The following SPAM1 variants were observed in gnomAD, a reference collection of about 807,000 sequenced individuals.
SPAM1 encodes the protein sperm adhesion molecule 1.
SPAM1 carries 22 observed loss-of-function variants against 29.6 expected under a neutral mutation model. The observed-to-expected ratio is 0.74, with a 90% CI of 0.53 to 1.06. SPAM1 has a LOEUF of 1.06. SPAM1 is among the 50% of genes least tolerant of loss of function. SPAM1 has a pLI of 0.00. For synonymous variants in SPAM1, 194 were observed against 204.6 expected, an observed-to-expected ratio of 0.95 and a Z score of 0.44; for missense variants, 534 against 604.0, an observed-to-expected ratio of 0.88 and a Z score of 1.21.
At chr7:123,930,367 G>A (rs892180294) in intron 1 of SPAM1, among the ~76,000 whole-genome samples, 4 of 151,976 alleles carry the variant, frequency 2.6e-5, no homozygotes, top group Non-Finnish European at 5.9e-5. Context: ...AAACCTGGAG[G>A]TAACTTTCCA....
In SPAM1 at chr7:123,953,394, C is replaced by T; in HGVS notation, c.-177C>T. 4.3e-6 allele frequency: 2 copies of T among 467,284 alleles called. No homozygotes were observed. Among genetic ancestry groups the T allele is most frequent in the Non-Finnish European group, 7.4e-6 (2 of 268,992 alleles). 28.9% of individuals were successfully genotyped at this position (467,284 alleles called of 1,614,324 possible). On this transcript the variant is annotated 5_prime_UTR_variant, in exon 3 of 5. Coordinates refer to ENST00000682466, the MANE Select transcript of SPAM1 (RefSeq NM_153189.3). ...AGGTGATGCAACTTGAAAAACAATC[C>T]TGAAACATGAAACAAGAATAATAAT...
intron 1 of SPAM1, among the ~76,000 whole-genome samples, chr7:123,942,311 C>T (rs996468880): frequency 2.6e-5 from 4 of 152,252 alleles, no homozygotes; most frequent in South Asian, 2.1e-4. Flanking sequence ...GAAAAATATT[C>T]GGCAAGACTA....
intron 1 of SPAM1, among the ~76,000 whole-genome samples, chr7:123,939,587 C>A (rs1380753603): frequency 2.0e-5 from 3 of 152,162 alleles, no homozygotes; most frequent in Admixed American, 2.0e-4. Context: ...CAAAGGACAT[C>A]AAATTCGTTT....
rs1231605527 is a variant in SPAM1 at position 123,949,873 on chromosome 7, G to T, written c.-317G>T. ...AATAATCTTTTTTTTTTTTCAAAGG[G>T]ATGCTAATGACTAGCCAATGCTCTA... is the stretch of plus-strand genomic sequence containing the variant. On this transcript the variant is annotated splice_region_variant and 5_prime_UTR_variant, in exon 2 of 5. Transcript: ENST00000682466. 6.6e-6 allele frequency: 1 copy of T among 150,744 alleles called. No homozygotes were observed. Among genetic ancestry groups the T allele is most frequent in the African/African-American group, 2.4e-5 (1 of 40,934 alleles). 9.3% of individuals were successfully genotyped at this position (150,744 alleles called of 1,614,324 possible). A position where few individuals can be genotyped will look rare whatever the true frequency, so the allele number is the denominator to read the frequency against.
chr7:123,934,060 G>A (rs1224034785), intron 1 of SPAM1, among the ~76,000 whole-genome samples: 1 of 152,104 alleles, frequency 6.6e-6, no homozygotes, highest in Non-Finnish European at 1.5e-5. Flanking sequence ...ATAACATGTT[G>A]TACAGATGTA....
rs1005182909 is a variant in SPAM1, at chr7:123,935,344, A to G, written c.-319+9992A>G. On this transcript the variant is annotated intron_variant, in intron 1 of 4. Transcript: ENST00000682466. The stretch of plus-strand genomic sequence containing the variant: ...ATAAGCATTGTGCTAAGTGTTTTAT[A>G]TACATTATTTCATCAAAATTTCACA... Among the ~76,000 whole-genome samples, 73 of 152,282 alleles carry G rather than the reference A, an allele frequency of 4.8e-4. 1 individual carries two copies. The highest frequency in any genetic ancestry group is 1.7e-3 in the African/African-American group (70 of 41,562).
chr7:123,970,130 T>G, intron 5 of SPAM1: 1 of 1,508,656 alleles, frequency 6.6e-7, no homozygotes. Flanking sequence ...CTAGTGATGC[T>G]ATAACAAAGT....
chr7:123,934,581 A>C (rs533259248), intron 1 of SPAM1, among the ~76,000 whole-genome samples: 33 of 152,306 alleles, frequency 2.2e-4, no homozygotes, highest in African/African-American at 7.9e-4. Flanking sequence ...TAAGATATGG[A>C]ATTAAGCTAA....
chr7:123,938,597 G>C (rs1474978788), intron 1 of SPAM1, among the ~76,000 whole-genome samples: 2 of 152,148 alleles, frequency 1.3e-5, no homozygotes, highest in African/African-American at 2.4e-5. Flanking sequence ...GGTGTTTTCT[G>C]TTTGTGTTTG....
In SPAM1 at chr7:123,960,016, C is replaced by A; in HGVS notation, c.*47C>A. On this transcript the variant is annotated 3_prime_UTR_variant, in exon 5 of 5. Coordinates refer to ENST00000682466, the MANE Select transcript of SPAM1 (RefSeq NM_153189.3). ...AACAATATGTCCATCTTAAAGTGTG[C>A]TTTTTCGACTAATTAAATCTTTGAA... 1 of 1,523,232 alleles carries A rather than the reference C, an allele frequency of 6.6e-7. No homozygotes were observed. Among genetic ancestry groups the A allele is most frequent in the Admixed American group, 2.2e-5 (1 of 46,368 alleles). 94.4% of individuals were successfully genotyped at this position (1,523,232 alleles called of 1,614,324 possible).
chr7:123,955,925 A>G lies in SPAM1; in HGVS notation c.1044+839A>G, dbSNP rs551350763. Among the ~76,000 whole-genome samples, 3 of 151,864 alleles carry G rather than the reference A, an allele frequency of 2.0e-5. No homozygotes were observed. In the South Asian group the frequency reaches 6.2e-4, roughly 32 times the overall value. ...GATAATTTTCTTTAGTAAATTCTTA[A>G]TTTTTATTAGTTGTTTCCCCAAATC... is the stretch of plus-strand genomic sequence containing the variant. On this transcript the variant is annotated intron_variant, in intron 4 of 4. Coordinates refer to ENST00000682466, the MANE Select transcript of SPAM1 (RefSeq NM_153189.3).
intron 2 of SPAM1, among the ~76,000 whole-genome samples, chr7:123,950,941 A>G (rs987758014): frequency 6.6e-6 from 1 of 152,112 alleles, no homozygotes; most frequent in African/African-American, 2.4e-5. Context: ...ACTTTTTAGT[A>G]ATAGCCATTC....
chr7:123,927,433 C>T (rs1465518631), intron 1 of SPAM1, among the ~76,000 whole-genome samples: 1 of 152,066 alleles, frequency 6.6e-6, no homozygotes, highest in African/African-American at 2.4e-5. Context: ...GCATCTATAG[C>T]GATTTAGCAT....
chr7:123,970,366 A>C, intron 6 of SPAM1: 2 of 1,137,520 alleles, frequency 1.8e-6, no homozygotes, highest in Middle Eastern at 2.1e-4. Context: ...TTATAAGGAC[A>C]CCAGTCATGT....
intron 1 of SPAM1, among the ~76,000 whole-genome samples, chr7:123,937,644 A>G (rs1808300082): frequency 6.6e-6 from 1 of 150,842 alleles, no homozygotes; most frequent in Non-Finnish European, 1.5e-5. Context: ...CATTTTACTC[A>G]TTATCCCAGC....
chr7:123,939,335 T>A (rs1488455627), intron 1 of SPAM1, among the ~76,000 whole-genome samples: 4 of 152,138 alleles, frequency 2.6e-5, no homozygotes, highest in Admixed American at 6.5e-5. Context: ...TCTGCCCGCC[T>A]CGGCCTTCCT....
At chr7:123,931,632 T>C (rs1808082392) in intron 1 of SPAM1, among the ~76,000 whole-genome samples, 1 of 152,238 alleles carries the variant, frequency 6.6e-6, no homozygotes, top group African/African-American at 2.4e-5. Context: ...GACTTCATTC[T>C]GAAGGCTCCT....
downstream of SPAM1, among the ~76,000 whole-genome samples, chr7:123,962,878 T>C (rs1354911982): frequency 1.3e-5 from 2 of 151,842 alleles, no homozygotes; most frequent in Non-Finnish European, 2.9e-5. Flanking sequence ...CACATTGGGC[T>C]CTGGTGCCAT....
At chr7:123,927,366 G>A (rs1807920192) in intron 1 of SPAM1, among the ~76,000 whole-genome samples, 1 of 152,172 alleles carries the variant, frequency 6.6e-6, no homozygotes, top group Non-Finnish European at 1.5e-5. Context: ...AGGCTTTGCA[G>A]GAGTTCAATG....
Sources: gnomAD v4.1 joint callset for allele counts (sites outside exome capture counted in the v4.1 genomes callset) on GRCh38, gnomAD v4.1.1 for gene constraint, MANE v1.5 for transcripts, NCBI Gene and HGNC (gene_info 2026-07-23, HGNC 2026-07-21) for gene names.